Variants in PGGT1B observed in about 807,000 individuals in gnomAD.
PGGT1B encodes protein geranylgeranyltransferase type I subunit beta.
Under a neutral mutation model 46.1 loss-of-function variants are expected in PGGT1B, and 30 were observed. The observed-to-expected ratio is 0.65, with a 90% CI of 0.49 to 0.88. The LOEUF (loss-of-function observed/expected upper bound fraction) is 0.88. PGGT1B is among the 40% of genes least tolerant of loss of function. The pLI is 0.00. For missense variants in PGGT1B, 376 were observed against 455.9 expected (o/e 0.82, Z 1.60); for synonymous variants, 170 against 160.0 (o/e 1.06, Z -0.47).
At position 115,212,300 on chromosome 5, in the gene PGGT1B, G is replaced by A; in HGVS notation, c.*102C>T. On this transcript the variant is annotated 3_prime_UTR_variant, in exon 9 of 9. Coordinates refer to ENST00000419445, the MANE Select transcript of PGGT1B (RefSeq NM_005023.4). The stretch of plus-strand genomic sequence containing the variant: ...AAATCAGCAGGAGATTTGATTGTAA[G>A]ACTCTACCTTTTAAAAAAAGAGCAC... The A allele has an allele frequency of 6.4e-7, 1 of 1,558,584 alleles. No homozygotes were observed. The highest frequency in any genetic ancestry group is 8.7e-7 in the Non-Finnish European group (1 of 1,153,414).
At chr5:115,216,637 G>T (rs889842083) in intron 8 of PGGT1B, among the ~76,000 whole-genome samples, 1 of 151,998 alleles carries the variant, frequency 6.6e-6, no homozygotes, top group Non-Finnish European at 1.5e-5. Flanking sequence ...TAAAATATTT[G>T]GGAAAAAATG....
intron 1 of PGGT1B, among the ~76,000 whole-genome samples, chr5:115,257,378 G>A (rs1413132832): frequency 6.6e-6 from 1 of 151,926 alleles, no homozygotes; most frequent in Non-Finnish European, 1.5e-5. Flanking sequence ...GCTAGGCGTG[G>A]TGGTGGGCAC....
chr5:115,257,643 T>C (rs1580783555), intron 1 of PGGT1B, among the ~76,000 whole-genome samples: 1 of 152,042 alleles, frequency 6.6e-6, no homozygotes, highest in Non-Finnish European at 1.5e-5. Flanking sequence ...TTTATGAGAG[T>C]TGACTAGATT....
chr5:115,214,281 T>C (rs1053009571), intron 8 of PGGT1B, among the ~76,000 whole-genome samples: 13 of 151,588 alleles, frequency 8.6e-5, no homozygotes, highest in Non-Finnish European at 1.9e-4. Flanking sequence ...ACTCAATTGT[T>C]TGAAGCCTCA....
At chr5:115,214,250 G>C (rs1182185988) in intron 8 of PGGT1B, among the ~76,000 whole-genome samples, 2 of 152,044 alleles carry the variant, frequency 1.3e-5, no homozygotes, top group East Asian at 1.9e-4. Context: ...AAAGATTTTT[G>C]TAACAGCCAA....
chr5:115,234,225 A>T (rs1434609939), intron 5 of PGGT1B, among the ~76,000 whole-genome samples: 2 of 151,818 alleles, frequency 1.3e-5, no homozygotes, highest in Non-Finnish European at 2.9e-5. Context: ...CAAAAAAAAA[A>T]AGAATATGGT....
At chr5:115,232,750 G>C (rs1054290919) in intron 5 of PGGT1B, among the ~76,000 whole-genome samples, 2 of 151,916 alleles carry the variant, frequency 1.3e-5, no homozygotes, top group African/African-American at 4.8e-5. Context: ...AGGATAGCCT[G>C]TTCAGAAAGA....
At chr5:115,247,064 C>A (rs1486070842) in intron 2 of PGGT1B, among the ~76,000 whole-genome samples, 1 of 152,020 alleles carries the variant, frequency 6.6e-6, no homozygotes, top group South Asian at 2.1e-4. Flanking sequence ...TTTATTTGCA[C>A]GTTTGTACAT....
At chr5:115,255,447 T>C (rs1244381665) in intron 1 of PGGT1B, among the ~76,000 whole-genome samples, 1 of 152,190 alleles carries the variant, frequency 6.6e-6, no homozygotes, top group African/African-American at 2.4e-5. Context: ...CAATACTACA[T>C]CTAACCCTCC....
chr5:115,253,580 T>C (rs1000068645), intron 1 of PGGT1B, among the ~76,000 whole-genome samples: 3 of 151,962 alleles, frequency 2.0e-5, no homozygotes, highest in Non-Finnish European at 4.4e-5. Context: ...CTACAACTAA[T>C]CAGTACAAAT....
intron 6 of PGGT1B, among the ~76,000 whole-genome samples, chr5:115,223,380 G>T (rs930241655): frequency 2.0e-5 from 3 of 152,094 alleles, no homozygotes; most frequent in Admixed American, 2.0e-4. Flanking sequence ...TATCTGGGTG[G>T]GCCCTAATTG....
At position 115,260,490 on chromosome 5, in the gene PGGT1B, G is replaced by A. The variant is rs774196523; in HGVS notation, c.140+2222C>T. Reference sequence around the variant, plus strand: ...AAAGATCAGCAGAAACTTTGTGACCGGTCACCTTTGCTGAAAAGGTTGGAG... The same window carrying A: ...AAAGATCAGCAGAAACTTTGTGACCAGTCACCTTTGCTGAAAAGGTTGGAG... On this transcript the variant is annotated intron_variant, in intron 1 of 8. Transcript: ENST00000419445. Among the ~76,000 whole-genome samples, 6 of 151,988 alleles carry A rather than the reference G, an allele frequency of 3.9e-5. 1 individual carries two copies. Among genetic ancestry groups the A allele is most frequent in the Admixed American group, 2.0e-4 (3 of 15,252 alleles).
chr5:115,246,373 T>C (rs1433733373), intron 2 of PGGT1B, among the ~76,000 whole-genome samples: 1 of 151,710 alleles, frequency 6.6e-6, no homozygotes, highest in East Asian at 1.9e-4. Flanking sequence ...AAAAAAAAAT[T>C]CACCACTTAA....
chr5:115,239,623 T>C (rs1440310121), intron 3 of PGGT1B, among the ~76,000 whole-genome samples: 1 of 152,152 alleles, frequency 6.6e-6, no homozygotes, highest in Non-Finnish European at 1.5e-5. Flanking sequence ...ATAATTACAA[T>C]AGAATGTAAT....
At chr5:115,241,627 CTTAT>C (rs1252293768) in intron 2 of PGGT1B, 21 bp from the exon 3 acceptor site, 35 of 1,578,106 alleles carry the variant, frequency 2.2e-5, no homozygotes, top group Non-Finnish European at 2.9e-5. Flanking sequence ...AAAGCATGTG[CTTAT>C]TTAAAGTACA....
chr5:115,234,731 T>A (rs1449597502), intron 5 of PGGT1B, among the ~76,000 whole-genome samples: 6 of 152,048 alleles, frequency 3.9e-5, no homozygotes, highest in African/African-American at 1.4e-4. Flanking sequence ...CAGGACTGCT[T>A]GTCACTATCA....
At chr5:115,258,268 C>T (rs1748407524) in intron 1 of PGGT1B, among the ~76,000 whole-genome samples, 1 of 152,184 alleles carries the variant, frequency 6.6e-6, no homozygotes, top group Admixed American at 6.5e-5. Flanking sequence ...GACCAGATAG[C>T]AGTTCCAATT....
chr5:115,235,332 C>T lies in PGGT1B; in HGVS notation c.612+1058G>A, dbSNP rs1006880735. 7.9e-5 allele frequency among the ~76,000 whole-genome samples: 12 copies of T among 152,030 alleles called. 1 individual carries two copies. Among genetic ancestry groups the T allele is most frequent in the Admixed American group, 2.0e-4 (3 of 15,266 alleles). Reference sequence around the variant, plus strand: ...TTTTTTTCAAACAGTAGAATTTTAACTGATATTTATAGGAAGGATGCTAGA... The same window carrying T: ...TTTTTTTCAAACAGTAGAATTTTAATTGATATTTATAGGAAGGATGCTAGA... On this transcript the variant is annotated intron_variant, in intron 5 of 8. Coordinates refer to ENST00000419445, the MANE Select transcript of PGGT1B (RefSeq NM_005023.4).
At position 115,230,919 on chromosome 5, in the gene PGGT1B, A is replaced by C. The variant is rs1756958467; in HGVS notation, c.658+57T>G. ...GAGGTTCTCCATACTGAAGACACCA[A>C]GATGTTGTCTAAGGGAACAAAAGAA... On this transcript the variant is annotated intron_variant, in intron 6 of 8. Coordinates refer to ENST00000419445, the MANE Select transcript of PGGT1B (RefSeq NM_005023.4). 14 of 1,026,264 alleles carry C rather than the reference A, an allele frequency of 1.4e-5. No individual in the cohort carries two copies. In the South Asian group the frequency reaches 1.5e-4, roughly 11 times the overall value. The allele number at this position is 1,026,264 out of a possible 1,614,324, so 63.6% of individuals were successfully genotyped here.
Sources: allele counts gnomAD v4.1 joint callset (sites outside exome capture counted in the v4.1 genomes callset), GRCh38; gene constraint gnomAD v4.1.1; transcripts MANE v1.5; gene names NCBI Gene and HGNC (gene_info 2026-07-23, HGNC 2026-07-21).